The following NECTIN3 variants were observed in gnomAD, a reference collection of about 807,000 sequenced individuals.
The protein encoded by NECTIN3 is nectin cell adhesion molecule 3.
In NECTIN3, 8 loss-of-function variants were observed where a neutral mutation model predicts 49.4. That is an observed-to-expected ratio of 0.16 (90% CI 0.10 to 0.29). The LOEUF (loss-of-function observed/expected upper bound fraction) is 0.29, where lower values mean the gene tolerates loss of function less well. Among genes scored for constraint, NECTIN3 ranks in the 10% least tolerant of loss-of-function variants. NECTIN3 has a pLI of 1.00. For synonymous variants in NECTIN3, 277 were observed against 241.1 expected (o/e 1.15, Z -1.38); for missense variants, 581 against 654.6 (o/e 0.89, Z 1.23).
chr3:111,146,942 A>G (rs2107509553), intron 6 of NECTIN3, among the ~76,000 whole-genome samples: 1 of 152,264 alleles, frequency 6.6e-6, no homozygotes, highest in East Asian at 1.9e-4. Flanking sequence ...AATGGTCTGT[A>G]CGTTGAAAAT....
intron 1 of NECTIN3, among the ~76,000 whole-genome samples, chr3:111,110,585 C>G: frequency 6.6e-6 from 1 of 151,824 alleles, no homozygotes; most frequent in South Asian, 2.1e-4. Flanking sequence ...TATAAAGTAC[C>G]AAGCTTGTGA....
intron 7 of NECTIN3, among the ~76,000 whole-genome samples, chr3:111,182,197 C>CT (rs2035638413): frequency 6.6e-6 from 1 of 151,952 alleles, no homozygotes; most frequent in South Asian, 2.1e-4. Flanking sequence ...GAAAATATAT[C>CT]TGTTTCACTT....
intron 1 of NECTIN3, among the ~76,000 whole-genome samples, chr3:111,087,435 T>A (rs995055197): frequency 2.0e-5 from 3 of 152,136 alleles, no homozygotes; most frequent in Non-Finnish European, 4.4e-5. Context: ...GGCGTATCAC[T>A]GGAGGTCAGG....
In NECTIN3 at chr3:111,088,611, G is replaced by T. The variant is rs368591239; in HGVS notation, c.160+16434G>T. On this transcript the variant is annotated intron_variant, in intron 1 of 5. Transcript: ENST00000485303. ...ATTTCTATGGGCCCAACATGCTTCT[G>T]CTATACAACTCTACTGATGGTGAAT... 1.6e-3 allele frequency among the ~76,000 whole-genome samples: 236 copies of T among 152,062 alleles called. 1 individual carries two copies. The highest frequency in any genetic ancestry group is 5.6e-3 in the African/African-American group (231 of 41,478).
intron 1 of NECTIN3, among the ~76,000 whole-genome samples, chr3:111,100,667 A>C (rs1020692214): frequency 6.6e-6 from 1 of 152,140 alleles, no homozygotes; most frequent in Non-Finnish European, 1.5e-5. Flanking sequence ...TTAGGATTAA[A>C]ACTCATTTAA....
At chr3:111,100,694 TTAAAC>T (rs1343204947) in intron 1 of NECTIN3, among the ~76,000 whole-genome samples, 5 of 152,046 alleles carry the variant, frequency 3.3e-5, no homozygotes, top group East Asian at 1.9e-4. Flanking sequence ...AAATAGTAAT[TTAAAC>T]TAACTTTAAG....
chr3:111,125,121 T>A (rs765334173), intron 4 of NECTIN3, among the ~76,000 whole-genome samples: 16 of 146,862 alleles, frequency 1.1e-4, no homozygotes, highest in African/African-American at 1.3e-4. Flanking sequence ...CTCCCCTTCC[T>A]GGGTTCAAGT....
chr3:111,172,434 AT>A (rs1576178632), intron 7 of NECTIN3, among the ~76,000 whole-genome samples: 1 of 152,218 alleles, frequency 6.6e-6, no homozygotes, highest in Non-Finnish European at 1.5e-5. Flanking sequence ...ACTTTTACAC[AT>A]TTAAAGTGTC....
intron 7 of NECTIN3, among the ~76,000 whole-genome samples, chr3:111,169,406 A>G (rs1414243421): frequency 1.4e-5 from 2 of 145,804 alleles, no homozygotes; most frequent in Non-Finnish European, 3.0e-5. Flanking sequence ...TTAAGAGCAC[A>G]GTTGGATATT....
intron 7 of NECTIN3, among the ~76,000 whole-genome samples, chr3:111,180,473 T>C (rs2035606736): frequency 6.6e-6 from 1 of 152,256 alleles, no homozygotes; most frequent in South Asian, 2.1e-4. Context: ...GCCTGATTAG[T>C]GTACAATCTT....
chr3:111,134,603 G>A lies in NECTIN3; in HGVS notation c.*388G>A, dbSNP rs2034513021. The A allele has an allele frequency of 1.1e-6, 1 of 926,760 alleles. No homozygotes were observed. The highest frequency in any genetic ancestry group is 1.3e-6 in the Non-Finnish European group (1 of 776,548). The allele number at this position is 926,760 out of a possible 1,614,324, so 57.4% of individuals were successfully genotyped here. On this transcript the variant is annotated 3_prime_UTR_variant, in exon 6 of 6. Coordinates refer to ENST00000485303, the MANE Select transcript of NECTIN3 (RefSeq NM_015480.3). ...GACTATAATCTCAAGTATGATGTTT[G>A]TTTAACATATACCTCTCAAAATTTA...
At chr3:111,080,061 A>AT (rs2031493475) in intron 1 of NECTIN3, among the ~76,000 whole-genome samples, 1 of 152,090 alleles carries the variant, frequency 6.6e-6, no homozygotes, top group African/African-American at 2.4e-5. Flanking sequence ...CAGTTGACTG[A>AT]TTTTGAATAA....
chr3:111,125,906 A>G (rs2034147040), intron 4 of NECTIN3, among the ~76,000 whole-genome samples: 1 of 152,038 alleles, frequency 6.6e-6, no homozygotes, highest in South Asian at 2.1e-4. Context: ...TTTTTTAATT[A>G]TATTTTTTCT....
Position 111,149,090 on chromosome 3 carries a change from C to G in NECTIN3, c.1221+1606C>G, listed in dbSNP as rs540393609. 3.3e-5 allele frequency among the ~76,000 whole-genome samples: 5 copies of G among 152,228 alleles called. No homozygotes were observed. In the East Asian group the frequency reaches 7.7e-4, roughly 24 times the overall value. On this transcript the variant is annotated intron_variant, in intron 7 of 8. Transcript: ENST00000493615. The stretch of plus-strand genomic sequence containing the variant: ...GGGATAACCAGTTGTCCAAATACTT[C>G]TGAATTACCTATACTTTTGCATGGT...
At chr3:111,096,667 C>A (rs958059218) in intron 1 of NECTIN3, among the ~76,000 whole-genome samples, 3 of 152,160 alleles carry the variant, frequency 2.0e-5, no homozygotes, top group Admixed American at 6.5e-5. Context: ...GTCCCAGCCG[C>A]TCCAGCCGTG....
At chr3:111,087,852 C>G (rs1230032425) in intron 1 of NECTIN3, among the ~76,000 whole-genome samples, 1 of 151,854 alleles carries the variant, frequency 6.6e-6, no homozygotes, top group Non-Finnish European at 1.5e-5. Flanking sequence ...CGCCCGCTAC[C>G]ACGCCTGGCA....
chr3:111,185,599 T>C lies in NECTIN3; in HGVS notation c.1222-6752T>C, dbSNP rs117377393. ...ACTTTTACAGTGCCTTGTGGAGTTATAAGCAGAAGAGAGGGAAAATGCCAA... is the reference window on the plus strand; with the variant it reads ...ACTTTTACAGTGCCTTGTGGAGTTACAAGCAGAAGAGAGGGAAAATGCCAA... On this transcript the variant is annotated intron_variant, in intron 7 of 8. Coordinates refer to the NECTIN3 transcript ENST00000493615. 5.7e-3 allele frequency among the ~76,000 whole-genome samples: 872 copies of C among 152,230 alleles called. 19 individuals carry two copies. The highest frequency in any genetic ancestry group is 0.021 in the East Asian group (107 of 5,166).
intron 1 of NECTIN3, among the ~76,000 whole-genome samples, chr3:111,092,660 T>G (rs867929174): frequency 1.3e-5 from 2 of 152,224 alleles, no homozygotes; most frequent in Non-Finnish European, 2.9e-5. Flanking sequence ...GTCTTCTTAT[T>G]CTAGTGTCAC....
At chr3:111,147,571 T>C in intron 7 of NECTIN3, 1 of 1,118,340 alleles carries the variant, frequency 8.9e-7, no homozygotes, top group Middle Eastern at 2.0e-4. Context: ...CAAAATGTTG[T>C]TTAGTCATTA....
Sources: allele counts gnomAD v4.1 joint callset (sites outside exome capture counted in the v4.1 genomes callset), GRCh38; gene constraint gnomAD v4.1.1; transcripts MANE v1.5; gene names NCBI Gene and HGNC (gene_info 2026-07-23, HGNC 2026-07-21).